AK7: variants seen among roughly 807,000 people sequenced by gnomAD.
AK7 encodes the protein ATP-AMP transphosphorylase 7.
AK7 carries 78 observed loss-of-function variants against 96.6 expected under a neutral mutation model. The ratio of observed to expected loss-of-function variants is 0.81; its 90% CI spans 0.67 to 0.97. The LOEUF (loss-of-function observed/expected upper bound fraction) is 0.97. Among genes scored for constraint, AK7 ranks in the 50% least tolerant of loss-of-function variants. The pLI is 0.00. For synonymous variants in AK7, 302 were observed against 317.2 expected (o/e 0.95, Z 0.51); for missense variants, 855 against 887.9 (o/e 0.96, Z 0.47).
At chr14:96,462,373 T>A (rs1894301896) in intron 12 of AK7, among the ~76,000 whole-genome samples, 2 of 152,202 alleles carry the variant, frequency 1.3e-5, no homozygotes, top group Admixed American at 1.3e-4. Context: ...CTTGCCTATG[T>A]TTGAACAAAA....
chr14:96,448,513 C>T (rs1393735701), intron 8 of AK7, among the ~76,000 whole-genome samples: 1 of 151,480 alleles, frequency 6.6e-6, no homozygotes, highest in African/African-American at 2.4e-5. Context: ...ATCTATAGTT[C>T]CATGTACTTG....
intron 4 of AK7, among the ~76,000 whole-genome samples, chr14:96,412,197 C>T (rs1393252258): frequency 1.3e-5 from 2 of 150,254 alleles, no homozygotes; most frequent in African/African-American, 2.4e-5. Context: ...GCTGCAAGGA[C>T]TCCTGGTACT....
At chr14:96,415,822 AAAT>A (rs1423014083) in intron 4 of AK7, among the ~76,000 whole-genome samples, 1 of 150,788 alleles carries the variant, frequency 6.6e-6, no homozygotes, top group Non-Finnish European at 1.5e-5. Context: ...TACATTAATT[AAAT>A]AATTAAGGTA....
intron 1 of AK7, among the ~76,000 whole-genome samples, chr14:96,394,990 A>G (rs1889982052): frequency 6.6e-6 from 1 of 152,180 alleles, no homozygotes; most frequent in South Asian, 2.1e-4. Context: ...AGAGATACAG[A>G]TATAGAGAAG....
chr14:96,464,599 A>G (rs943432039), intron 12 of AK7, among the ~76,000 whole-genome samples: 1 of 148,964 alleles, frequency 6.7e-6, no homozygotes, highest in African/African-American at 2.5e-5. Flanking sequence ...GTACTTTATT[A>G]TAAAGGCTTA....
At chr14:96,467,459 C>G (rs1181617749) in intron 12 of AK7, among the ~76,000 whole-genome samples, 1 of 152,078 alleles carries the variant, frequency 6.6e-6, no homozygotes, top group Non-Finnish European at 1.5e-5. Flanking sequence ...CCTCAGCCTC[C>G]CGAGTCGCTG....
At chr14:96,483,258 G>A in intron 16 of AK7, 39 bp downstream of exon 16, 1 of 1,553,232 alleles carries the variant, frequency 6.4e-7, no homozygotes, top group Non-Finnish European at 8.7e-7. Flanking sequence ...TGTATCTGTG[G>A]AACAGGGGTG....
intron 5 of AK7, among the ~76,000 whole-genome samples, chr14:96,426,068 T>C (rs1001795035): frequency 2.6e-5 from 4 of 152,216 alleles, no homozygotes; most frequent in African/African-American, 7.2e-5. Flanking sequence ...GTTTTCTAGT[T>C]GTTTTATTGT....
rs142804030 is a variant in AK7, at chr14:96,483,990, G to C, written c.1974+771G>C. On this transcript the variant is annotated intron_variant, in intron 16 of 17. Transcript: ENST00000267584. ...CATACCTGTAATCCCAGCACTTTGG[G>C]AGGGTGAGGCTGGAGAATCATTTGA... Among the ~76,000 whole-genome samples the C allele has an allele frequency of 3.4e-3, 523 of 152,158 alleles. 1 individual carries two copies. Among genetic ancestry groups the C allele is most frequent in the African/African-American group, 0.012 (504 of 41,520 alleles).
chr14:96,392,336 C>G, intron 1 of AK7, 77 bp downstream of exon 1: 1 of 1,321,954 alleles, frequency 7.6e-7, no homozygotes, highest in Non-Finnish European at 1.1e-6. Context: ...GCAAACCCAG[C>G]GAGGGTCTGC....
chr14:96,423,662 C>G (rs1891844349), intron 5 of AK7: 2 of 640,300 alleles, frequency 3.1e-6, no homozygotes, highest in Non-Finnish European at 5.9e-6. Context: ...AGCTCGGGGC[C>G]TCCAGGACGG....
intron 8 of AK7, 21 bp from the exon 9 acceptor site, chr14:96,449,781 A>T: frequency 6.3e-7 from 1 of 1,580,550 alleles, no homozygotes; most frequent in Non-Finnish European, 8.7e-7. Context: ...ACCAACTAAT[A>T]TTTCGATTTT....
intron 4 of AK7, among the ~76,000 whole-genome samples, chr14:96,418,971 C>T (rs1368216660): frequency 6.6e-6 from 1 of 152,164 alleles, no homozygotes; most frequent in Non-Finnish European, 1.5e-5. Context: ...ACCCTGAAAC[C>T]CTGCTCCAAC....
At chr14:96,422,739 C>CTG (rs1221598380) in intron 5 of AK7, among the ~76,000 whole-genome samples, 1 of 152,212 alleles carries the variant, frequency 6.6e-6, no homozygotes, top group African/African-American at 2.4e-5. Flanking sequence ...TTACAATAGT[C>CTG]AGGAGCATTT....
chr14:96,459,837 A>G (rs1894156548), intron 12 of AK7, among the ~76,000 whole-genome samples: 1 of 152,116 alleles, frequency 6.6e-6, no homozygotes. Context: ...AGATCGCACC[A>G]CTGTACTCTA....
chr14:96,463,316 C>T (rs1019115199), intron 12 of AK7, among the ~76,000 whole-genome samples: 14 of 152,158 alleles, frequency 9.2e-5, no homozygotes, highest in Non-Finnish European at 1.8e-4. Context: ...ATGAAGAATG[C>T]ACTTGGAAGT....
At chr14:96,413,087 G>T (rs1293112665) in intron 4 of AK7, among the ~76,000 whole-genome samples, 1 of 152,216 alleles carries the variant, frequency 6.6e-6, no homozygotes, top group Non-Finnish European at 1.5e-5. Context: ...GGACTCTGGA[G>T]TTGGGAGGGA....
At chr14:96,471,375 A>T in intron 12 of AK7, 103 bp from the exon 13 acceptor site, 2 of 553,530 alleles carry the variant, frequency 3.6e-6, no homozygotes, top group Non-Finnish European at 5.6e-6. Flanking sequence ...GATTTCCAAT[A>T]GTACCTTTGA....
Position 96,451,534 on chromosome 14 carries a change from T to C in AK7, c.1062T>C (p.Thr354=), listed in dbSNP as rs140230412. The C allele has an allele frequency of 3.3e-5, 53 of 1,593,068 alleles. No homozygotes were observed. The highest frequency in any genetic ancestry group is 4.3e-5 in the Non-Finnish European group (50 of 1,168,380). Residue 354 remains threonine, a synonymous_variant, in exon 10 of 18, where the codon ACT becomes ACC. Coordinates refer to ENST00000267584, the MANE Select transcript of AK7 (RefSeq NM_152327.5). The stretch of plus-strand genomic sequence containing the variant: ...CAGGATTTGTGGAAAATATCAACAC[T>C]ATCCTCAAGGAGTACAAGCAAAGCA... ...AQTGFVENIN[T]ILKEYKQSRG...
Sources: gnomAD v4.1 joint callset for allele counts (sites outside exome capture counted in the v4.1 genomes callset) on GRCh38, gnomAD v4.1.1 for gene constraint, MANE v1.5 for transcripts, NCBI Gene and HGNC (gene_info 2026-07-23, HGNC 2026-07-21) for gene names.